NSD2: variants seen among roughly 807,000 people sequenced by gnomAD.
NSD2 encodes the protein histone-lysine N-methyltransferase NSD2.
Under a neutral mutation model 139.0 loss-of-function variants are expected in NSD2, and 12 were observed. The ratio of observed to expected loss-of-function variants is 0.09; its 90% confidence interval spans 0.06 to 0.14. The LOEUF (loss-of-function observed/expected upper bound fraction) is 0.14. NSD2 is among the 10% of genes least tolerant of loss of function. The pLI is 1.00. For missense variants in NSD2, 1,155 were observed against 1,745.0 expected (o/e 0.66, Z 6.02); for synonymous variants, 669 against 648.7 (o/e 1.03, Z -0.48).
chr4:1,965,976 A>G (rs1577562081), intron 18 of NSD2, among the ~76,000 whole-genome samples: 2 of 152,248 alleles, frequency 1.3e-5, no homozygotes, highest in African/African-American at 2.4e-5. Context: ...ATCATATCAC[A>G]AGGGATTCTC....
chr4:1,943,115 T>G (rs1723268513), intron 9 of NSD2: 1 of 1,046,380 alleles, frequency 9.6e-7, no homozygotes, highest in African/African-American at 1.7e-5. Flanking sequence ...GCCCTCATGT[T>G]TCATTGTCTT....
At chr4:1,886,888 T>C (rs997180303) in intron 1 of NSD2, among the ~76,000 whole-genome samples, 2 of 152,168 alleles carry the variant, frequency 1.3e-5, no homozygotes, top group Admixed American at 1.3e-4. Context: ...TCCAGATTGA[T>C]ATATGTTCAA....
chr4:1,897,256 A>G (rs937995596), intron 1 of NSD2, among the ~76,000 whole-genome samples: 6 of 151,312 alleles, frequency 4.0e-5, no homozygotes, highest in African/African-American at 1.5e-4. Context: ...TTGAGATGGG[A>G]AGATCCCTTG....
intron 10 of NSD2, 29 bp downstream of exon 10, chr4:1,951,232 C>T (rs745314059): frequency 2.4e-5 from 38 of 1,612,842 alleles, no homozygotes; most frequent in African/African-American, 6.7e-5. Flanking sequence ...CCGCTATGTC[C>T]GTGCTGGTGT....
chr4:1,919,283 A>G (rs987732554), intron 5 of NSD2: 2 of 151,992 alleles, frequency 1.3e-5, no homozygotes, highest in African/African-American at 4.8e-5. Context: ...CACTTTCTCC[A>G]GCAGTCTGTT....
chr4:1,952,762 GCA>G, intron 11 of NSD2: 5 of 1,101,934 alleles, frequency 4.5e-6, no homozygotes, highest in Non-Finnish European at 5.5e-6. Context: ...GTGTCGCCCG[GCA>G]CAGTCTGGGG....
At chr4:1,872,156 C>T (rs1201323597) in intron 1 of NSD2, among the ~76,000 whole-genome samples, 2 of 152,120 alleles carry the variant, frequency 1.3e-5, no homozygotes, top group East Asian at 3.9e-4. Context: ...GACGCTCCCC[C>T]GGGAAGCCGG....
Position 1,981,858 on chromosome 4 carries a change from C to A in NSD2, c.*2949C>A, listed in dbSNP as rs1480310500. 4 of 398,462 alleles carry A rather than the reference C, an allele frequency of 1.0e-5. No individual in the cohort carries two copies. The highest frequency in any genetic ancestry group is 1.3e-5 in the Non-Finnish European group (3 of 226,066). 24.7% of individuals were successfully genotyped at this position (398,462 alleles called of 1,614,324 possible). ...GTGTAGTTGATGACTGTTTGTTAGT[C>A]AGTAGAGTAAAATGCTGTGTCCACG... On this transcript the variant is annotated 3_prime_UTR_variant, in exon 22 of 22. Coordinates refer to ENST00000508803, the MANE Select transcript of NSD2 (RefSeq NM_001042424.3).
chr4:1,945,363 C>T (rs922639390), intron 9 of NSD2: 34 of 1,064,654 alleles, frequency 3.2e-5, no homozygotes, highest in Non-Finnish European at 3.9e-5. Flanking sequence ...TCCTGTGCTG[C>T]CCTGGCCCTG....
At chr4:1,890,871 A>G (rs1466236985) in intron 1 of NSD2, among the ~76,000 whole-genome samples, 1 of 152,052 alleles carries the variant, frequency 6.6e-6, no homozygotes, top group Non-Finnish European at 1.5e-5. Context: ...TGCTGGGATT[A>G]CAGGGGTAAG....
At chr4:1,946,763 T>C in intron 9 of NSD2, 1 of 1,048,608 alleles carries the variant, frequency 9.5e-7, no homozygotes, top group Non-Finnish European at 1.2e-6. Flanking sequence ...TATATTCATC[T>C]GATTCCTATA....
At chr4:1,915,109 C>G (rs1217805383) in intron 3 of NSD2, among the ~76,000 whole-genome samples, 3 of 136,882 alleles carry the variant, frequency 2.2e-5, no homozygotes, top group Middle Eastern at 3.6e-3. Context: ...TTCTTTTTTT[C>G]TCTTTTTTTT....
rs2108929657 is a variant in NSD2 at position 1,948,359 on chromosome 4, A to G, written c.1882-2713A>G. The G allele has an allele frequency of 9.4e-7, 1 of 1,066,204 alleles. No homozygotes were observed. The highest frequency in any genetic ancestry group is 1.1e-6 in the Non-Finnish European group (1 of 878,860). The allele number at this position is 1,066,204 out of a possible 1,614,324, so 66.0% of individuals were successfully genotyped here. A position where few individuals can be genotyped will look rare whatever the true frequency, so the allele number is the denominator to read the frequency against. ...ATTTGGGACTATGTTGGGACCGTACAGGTGAATGTGCCACCTCCACAAATG... is the reference window on the plus strand; with the variant it reads ...ATTTGGGACTATGTTGGGACCGTACGGGTGAATGTGCCACCTCCACAAATG... On this transcript the variant is annotated intron_variant, in intron 9 of 21. Transcript: ENST00000508803. This position sits in a 1 kb window ranked among gnomAD's most constrained non-coding sequence, Gnocchi z 4.5.
chr4:1,969,133 C>T (rs1044176199), intron 18 of NSD2, among the ~76,000 whole-genome samples: 3 of 152,146 alleles, frequency 2.0e-5, no homozygotes, highest in South Asian at 2.1e-4. Context: ...CCCCCAGCGG[C>T]GCTGAGAGTT....
intron 3 of NSD2, 124 bp from the exon 4 acceptor site, chr4:1,916,747 A>AT (rs1339104147): frequency 3.5e-6 from 3 of 853,932 alleles, no homozygotes; most frequent in Admixed American, 3.0e-5. Context: ...GAAGTATAGA[A>AT]TTTGTTTTGA....
At chr4:1,894,178 G>C (rs944908411) in intron 1 of NSD2, among the ~76,000 whole-genome samples, 1 of 151,940 alleles carries the variant, frequency 6.6e-6, no homozygotes, top group East Asian at 1.9e-4. Flanking sequence ...GCTGGTCTCA[G>C]ACTCCTGACC....
intron 1 of NSD2, chr4:1,887,654 G>T (rs911902661): frequency 6.6e-6 from 1 of 152,258 alleles, no homozygotes; most frequent in Non-Finnish European, 1.5e-5. Flanking sequence ...GCTAATTTTT[G>T]TTGGCTGTTT....
At chr4:1,969,359 C>A (rs1726201797) in intron 18 of NSD2, among the ~76,000 whole-genome samples, 4 of 152,096 alleles carry the variant, frequency 2.6e-5, no homozygotes, top group African/African-American at 9.7e-5. Context: ...CAGCCAGTAC[C>A]CGCTCCAAGA....
intron 1 of NSD2, among the ~76,000 whole-genome samples, chr4:1,896,213 C>T (rs562139656): frequency 1.3e-5 from 2 of 152,342 alleles, no homozygotes; most frequent in South Asian, 2.1e-4. Flanking sequence ...GTGCAGGCAG[C>T]CCAGTCAGGC....
Sources: gnomAD v4.1 joint callset for allele counts (sites outside exome capture counted in the v4.1 genomes callset) on GRCh38, gnomAD v4.1.1 for gene constraint, Gnocchi (gnomAD v3.1) non-coding constraint, MANE v1.5 for transcripts, NCBI Gene and HGNC (gene_info 2026-07-23, HGNC 2026-07-21) for gene names.